Variants in LHFPL6 observed in about 807,000 individuals in gnomAD.
The protein encoded by LHFPL6 is LHFPL tetraspan subfamily member 6, also known as LHFPL tetraspan subfamily member 6 protein.
LHFPL6 carries 9 observed loss-of-function variants against 20.6 expected under a neutral mutation model. The observed-to-expected ratio is 0.44, with a 90% CI of 0.26 to 0.76. The LOEUF is 0.76. Ranked by LOEUF, LHFPL6 falls within the 30% of genes least tolerant of loss-of-function variation. The pLI, the probability that LHFPL6 is intolerant of heterozygous loss-of-function variation, is 0.20. For synonymous variants in LHFPL6, 105 were observed against 98.7 expected, an observed-to-expected ratio of 1.06 and a Z score of -0.38; for missense variants, 218 against 253.5, an observed-to-expected ratio of 0.86 and a Z score of 0.95.
chr13:39,560,616 G>A (rs1041614868), intron 2 of LHFPL6, among the ~76,000 whole-genome samples: 2 of 146,378 alleles, frequency 1.4e-5, no homozygotes, highest in Admixed American at 7.1e-5. Context: ...CCGGGTTCAC[G>A]CCATTCTCCT....
chr13:39,481,397 T>C (rs1868514287), intron 2 of LHFPL6, among the ~76,000 whole-genome samples: 1 of 152,176 alleles, frequency 6.6e-6, no homozygotes, highest in African/African-American at 2.4e-5. Flanking sequence ...ATTAATAAGA[T>C]ATAATGATCA....
intron 2 of LHFPL6, among the ~76,000 whole-genome samples, chr13:39,529,028 A>G (rs1029972960): frequency 6.6e-6 from 1 of 152,168 alleles, no homozygotes; most frequent in Non-Finnish European, 1.5e-5. Context: ...CCCAGGACCC[A>G]CTGTGCAGAG....
At chr13:39,431,436 A>C (rs1214606739) in intron 2 of LHFPL6, among the ~76,000 whole-genome samples, 1 of 152,160 alleles carries the variant, frequency 6.6e-6, no homozygotes, top group African/African-American at 2.4e-5. Context: ...ACTGGAAGGA[A>C]CCAATTCTGA....
chr13:39,591,329 G>A (rs186881786), intron 2 of LHFPL6, among the ~76,000 whole-genome samples: 1 of 152,288 alleles, frequency 6.6e-6, no homozygotes, highest in Non-Finnish European at 1.5e-5. Context: ...TGTAGCTGGA[G>A]TCATACATCA....
intron 2 of LHFPL6, among the ~76,000 whole-genome samples, chr13:39,466,573 T>C (rs115040547): frequency 0.027 from 4,066 of 152,304 alleles, 181 homozygotes; most frequent in African/African-American, 0.092. Flanking sequence ...GGGCCCTGGC[T>C]TTAGAATCAG....
intron 3 of LHFPL6, among the ~76,000 whole-genome samples, chr13:39,366,419 G>C (rs1267397587): frequency 6.6e-6 from 1 of 152,136 alleles, no homozygotes. Context: ...GTCAAGATAT[G>C]AATAACAGAA....
chr13:39,374,138 A>G (rs537103575), intron 3 of LHFPL6, among the ~76,000 whole-genome samples: 55 of 152,308 alleles, frequency 3.6e-4, no homozygotes, highest in African/African-American at 1.2e-3. Context: ...GTGTCCATCA[A>G]TGGTGGATTG....
At chr13:39,362,165 G>A (rs111843923) in intron 3 of LHFPL6, among the ~76,000 whole-genome samples, 6,709 of 152,280 alleles carry the variant, frequency 0.044, 167 homozygotes, top group Non-Finnish European at 0.05. Context: ...GTTGGAGGAG[G>A]GGCCTGGTGG....
At chr13:39,574,975 G>A (rs1872065870) in intron 2 of LHFPL6, among the ~76,000 whole-genome samples, 1 of 152,116 alleles carries the variant, frequency 6.6e-6, no homozygotes, top group African/African-American at 2.4e-5. Context: ...GGTGGCTGAG[G>A]CATGAGAATC....
At chr13:39,439,252 A>G (rs1872050149) in intron 2 of LHFPL6, among the ~76,000 whole-genome samples, 2 of 152,194 alleles carry the variant, frequency 1.3e-5, no homozygotes, top group African/African-American at 4.8e-5. Flanking sequence ...AGATGTAATG[A>G]TTGCCCTGCT....
At chr13:39,351,585 A>T (rs1231642897) in intron 3 of LHFPL6, among the ~76,000 whole-genome samples, 1 of 152,210 alleles carries the variant, frequency 6.6e-6, no homozygotes, top group East Asian at 1.9e-4. Flanking sequence ...TTCTTAGAAG[A>T]CTACATGCTG....
chr13:39,354,064 A>G (rs573696066), intron 3 of LHFPL6, among the ~76,000 whole-genome samples: 1 of 152,334 alleles, frequency 6.6e-6, no homozygotes, highest in African/African-American at 2.4e-5. Context: ...GGGTGGGACC[A>G]GTATTTCCTC....
intron 2 of LHFPL6, among the ~76,000 whole-genome samples, chr13:39,531,943 T>G (rs1336082339): frequency 6.6e-6 from 1 of 152,190 alleles, no homozygotes; most frequent in Non-Finnish European, 1.5e-5. Flanking sequence ...TTTCGTGTTT[T>G]CAAGTATAGT....
chr13:39,365,262 C>T (rs1869982407), intron 3 of LHFPL6, among the ~76,000 whole-genome samples: 1 of 152,104 alleles, frequency 6.6e-6, no homozygotes, highest in Admixed American at 6.5e-5. Flanking sequence ...TGCTGCATTT[C>T]CTCGTGATGT....
At chr13:39,475,282 A>G (rs1873056037) in intron 2 of LHFPL6, among the ~76,000 whole-genome samples, 1 of 152,208 alleles carries the variant, frequency 6.6e-6, no homozygotes, top group African/African-American at 2.4e-5. Flanking sequence ...GGCCTTGCTT[A>G]TCATGTGTAG....
intron 2 of LHFPL6, among the ~76,000 whole-genome samples, chr13:39,403,309 T>C (rs2138380775): frequency 1.3e-5 from 2 of 152,354 alleles, no homozygotes; most frequent in Middle Eastern, 6.8e-3. Flanking sequence ...TCTTGTGTTC[T>C]ATAAATAGGC....
At chr13:39,598,549 T>C (rs931109289) in intron 2 of LHFPL6, among the ~76,000 whole-genome samples, 18 of 152,000 alleles carry the variant, frequency 1.2e-4, no homozygotes, top group Non-Finnish European at 1.6e-4. Context: ...TTTATTTATC[T>C]TTATTTATTT....
rs181602061 is a variant in LHFPL6, at chr13:39,494,838, A to G, written c.385+105994T>C. On this transcript the variant is annotated intron_variant, in intron 2 of 3. Coordinates refer to ENST00000379589, the MANE Select transcript of LHFPL6 (RefSeq NM_005780.3). ...CCGTGCCAAAATAAATGTTTCTCTG[A>G]CTGAGATTATGGGCATTCCTTTTCA... Among the ~76,000 whole-genome samples the G allele has an allele frequency of 7.7e-3, 1,174 of 152,318 alleles. 6 individuals carry two copies. The highest frequency in any genetic ancestry group is 0.027 in the African/African-American group (1,125 of 41,566).
chr13:39,466,380 T>C (rs182620533), intron 2 of LHFPL6, among the ~76,000 whole-genome samples: 3 of 152,290 alleles, frequency 2.0e-5, no homozygotes, highest in East Asian at 1.9e-4. Flanking sequence ...TTGAAAAATA[T>C]TGATTATGCC....
Sources: gnomAD v4.1 joint callset for allele counts (sites outside exome capture counted in the v4.1 genomes callset) on GRCh38, gnomAD v4.1.1 for gene constraint, MANE v1.5 for transcripts, NCBI Gene and HGNC (gene_info 2026-07-23, HGNC 2026-07-21) for gene names.